SLC47A2: variants seen among roughly 807,000 people sequenced by gnomAD.
SLC47A2 encodes the protein multidrug and toxin extrusion protein 2.
A neutral mutation model predicts 67.7 loss-of-function variants in SLC47A2; 52 were observed. The ratio of observed to expected loss-of-function variants is 0.77; its 90% CI spans 0.61 to 0.97. The LOEUF (loss-of-function observed/expected upper bound fraction) is 0.97. Among genes scored for constraint, SLC47A2 ranks in the 50% least tolerant of loss-of-function variants. The pLI, the probability that SLC47A2 is intolerant of heterozygous loss-of-function variation, is 0.00. For missense variants in SLC47A2, 676 were observed against 712.3 expected (o/e 0.95, Z 0.58); for synonymous variants, 278 against 292.9 (o/e 0.95, Z 0.52).
chr17:19,690,342 T>G (rs1252300607), intron 13 of SLC47A2, among the ~76,000 whole-genome samples: 1 of 151,994 alleles, frequency 6.6e-6, no homozygotes, highest in Non-Finnish European at 1.5e-5. Flanking sequence ...TTGGGAAAAC[T>G]CTCCAGGAAA....
In SLC47A2 at chr17:19,711,588, C is replaced by CAAAAAAAAAAAAAAAAAAAAAAAA; in HGVS notation, c.486+1091_486+1114dup. 6.1e-5 allele frequency among the ~76,000 whole-genome samples: 2 copies of CAAAAAAAAAAAAAAAAAAAAAAAA among 33,002 alleles called. 1 individual carries two copies. Among genetic ancestry groups the CAAAAAAAAAAAAAAAAAAAAAAAA allele is most frequent in the Non-Finnish European group, 1.2e-4 (2 of 16,588 alleles). 21.7% of individuals were successfully genotyped at this position (33,002 alleles called of 152,430 possible). On this transcript the variant is annotated intron_variant, in intron 5 of 16. Coordinates refer to ENST00000433844, the MANE Select transcript of SLC47A2 (RefSeq NM_001099646.3). ...TGGATGACAGAGCAAAACTCCGTCT[C>CAAAAAAAAAAAAAAAAAAAAAAAA]AAAAAAAAAAAAAAAAAAAAAAAAA... is the stretch of plus-strand genomic sequence containing the variant.
chr17:19,707,991 C>T, intron 7 of SLC47A2, 148 bp from the exon 8 acceptor site: 1 of 815,290 alleles, frequency 1.2e-6, no homozygotes, highest in Non-Finnish European at 1.9e-6. Context: ...CAACCAGGGC[C>T]CACAGGCACC....
At position 19,681,606 on chromosome 17, in the gene SLC47A2, A is replaced by G. The variant is rs372698065; in HGVS notation, c.1229T>C (p.Ile410Thr). The G allele has an allele frequency of 1.2e-6, 2 of 1,614,138 alleles. No homozygotes were observed. Among genetic ancestry groups the G allele is most frequent in the South Asian group, 1.1e-5 (1 of 91,076 alleles). Residue 410 changes from isoleucine to threonine, a missense_variant, in exon 14 of 17, where the codon ATC (isoleucine) becomes ACC (threonine). By Grantham distance (89) the Ile-to-Thr change is moderately conservative. Transcript: ENST00000433844. ...TGGTAGGCCGATGATGTAATATGTG[A>G]TGGCATTCACAGCGGCACCAAAGGC... ...KQAFGAAVNA[I>T]TYYIIGLPLG... is the part of the protein sequence containing the mutation.
intron 13 of SLC47A2, among the ~76,000 whole-genome samples, chr17:19,683,939 A>G (rs1279122641): frequency 6.6e-6 from 1 of 152,246 alleles, no homozygotes; most frequent in Non-Finnish European, 1.5e-5. Context: ...GCAGCTGTAC[A>G]TTGTAGAGGA....
rs1232134084 is a variant in SLC47A2 at position 19,704,166 on chromosome 17, G to T, written c.922C>A (p.Leu308Ile). 1.2e-6 allele frequency: 2 copies of T among 1,606,744 alleles called. No homozygotes were observed. Among genetic ancestry groups the T allele is most frequent in the East Asian group, 4.5e-5 (2 of 44,732 alleles). The change falls in exon 11 of 17, where the codon CTC (leucine) becomes ATC (isoleucine). Residue 308 changes from leucine to isoleucine, a missense_variant. Leu to Ile is a conservative substitution (Grantham distance 5). Transcript: ENST00000433844. ...ATVTYMIPLG[L>I]SIGVCVRVGM... is the part of the protein sequence containing the mutation. ...ACTCGGACACAGACCCCGATGCTGA[G>T]CCCCAAGGGAATCTGGGATCAAAGA...
chr17:19,694,689 G>A (rs543779934), intron 13 of SLC47A2, among the ~76,000 whole-genome samples: 106 of 152,120 alleles, frequency 7.0e-4, no homozygotes, highest in Non-Finnish European at 5.1e-4. Flanking sequence ...AGGCCAAGGC[G>A]GGTGGATCAC....
In SLC47A2 at chr17:19,703,126, T is replaced by C. The variant is rs1318111013; in HGVS notation, c.1060A>G (p.Lys354Glu). The C allele has an allele frequency of 2.5e-6, 4 of 1,614,070 alleles. No individual in the cohort carries two copies. The highest frequency in any genetic ancestry group is 2.5e-6 in the Non-Finnish European group (3 of 1,180,042). The change falls in exon 12 of 17, where the codon AAA (lysine) becomes GAA (glutamate). Residue 354 changes from lysine (K) to glutamate (E), a missense_variant. By Grantham distance (56) the Lys-to-Glu change is moderately conservative. Transcript: ENST00000433844. ...GTAAAAATATGCCCCAGCTGATTTT[T>C]CAGGATGCTTATCAGGGTGCCCAGG... ...LVLGTLISIL[K>E]NQLGHIFTND... is the part of the protein sequence containing the mutation.
rs372855051 is a variant in SLC47A2 at position 19,706,328 on chromosome 17, C to T, written c.841+320G>A. On this transcript the variant is annotated intron_variant, in intron 9 of 16. Transcript: ENST00000433844. ...AAACCAACTGAATCTCTCACTCCTC[C>T]GTGCCTCAGCCACCTCCCACGGGCA... Among the ~76,000 whole-genome samples the T allele has an allele frequency of 9.2e-5, 14 of 152,344 alleles. No homozygotes were observed. The South Asian group carries it at 2.9e-3, about 32-fold the overall frequency.
At chr17:19,708,460 A>G (rs2086005354) in intron 6 of SLC47A2, 61 bp from the exon 7 acceptor site, 1 of 1,613,908 alleles carries the variant, frequency 6.2e-7, no homozygotes, top group Admixed American at 1.7e-5. Context: ...GGATGGACAA[A>G]CCCGGGGTTT....
In SLC47A2 at chr17:19,708,283, C is replaced by T. The variant is rs1337995368; in HGVS notation, c.629+19G>A. Reference sequence around the variant, plus strand: ...TGGGCAGTGTCCCCTGACCAGGCCCCACCAGCCCCCGGGCTCACCTGACCC... The same window carrying T: ...TGGGCAGTGTCCCCTGACCAGGCCCTACCAGCCCCCGGGCTCACCTGACCC... On this transcript the variant is annotated intron_variant, in intron 7 of 16. Transcript: ENST00000433844. 1.9e-6 allele frequency: 3 copies of T among 1,611,712 alleles called. No homozygotes were observed. In the African/African-American group the frequency reaches 4.0e-5, roughly 22 times the overall value.
intron 15 of SLC47A2, 36 bp from the exon 16 acceptor site, chr17:19,680,075 A>G: frequency 6.2e-7 from 1 of 1,601,318 alleles, no homozygotes; most frequent in East Asian, 2.2e-5. Context: ...TCAACCTGCC[A>G]GCTCAACAGT....
intron 13 of SLC47A2, among the ~76,000 whole-genome samples, chr17:19,683,527 C>T (rs16960302): frequency 0.014 from 2,080 of 152,294 alleles, 45 homozygotes; most frequent in African/African-American, 0.047. Flanking sequence ...TGAGGTAAAA[C>T]AGCCAAGGGA....
intron 1 of SLC47A2, among the ~76,000 whole-genome samples, 191 bp from the exon 2 acceptor site, chr17:19,715,408 G>A (rs964175504): frequency 1.3e-5 from 2 of 152,108 alleles, no homozygotes; most frequent in Non-Finnish European, 2.9e-5. Flanking sequence ...CTGCAGTCAC[G>A]CCTGGCCTCC....
chr17:19,686,827 A>G (rs890444646), intron 13 of SLC47A2, among the ~76,000 whole-genome samples: 7 of 152,214 alleles, frequency 4.6e-5, no homozygotes, highest in East Asian at 1.9e-4. Context: ...AGAGAGAAAT[A>G]TATTTCAATA....
intron 13 of SLC47A2, among the ~76,000 whole-genome samples, chr17:19,695,344 G>A (rs528077640): frequency 6.6e-5 from 10 of 151,668 alleles, no homozygotes; most frequent in African/African-American, 2.4e-4. Context: ...CATAGTGGCT[G>A]GGTGCATTGG....
At chr17:19,684,563 G>A (rs957954243) in intron 13 of SLC47A2, among the ~76,000 whole-genome samples, 12 of 151,990 alleles carry the variant, frequency 7.9e-5, no homozygotes, top group Non-Finnish European at 8.8e-5. Flanking sequence ...GGATAAGAAT[G>A]TAAAAGATTA....
At chr17:19,713,390 GTAATAATAATAA>G (rs34354818) in intron 4 of SLC47A2, among the ~76,000 whole-genome samples, 2 of 148,696 alleles carry the variant, frequency 1.3e-5, no homozygotes, top group African/African-American at 2.5e-5. Flanking sequence ...TCTGTCTCAA[GTAATAATAATAA>G]TAATAATAAT....
chr17:19,695,138 TAGAC>T (rs1019114968), intron 13 of SLC47A2, among the ~76,000 whole-genome samples: 14 of 152,134 alleles, frequency 9.2e-5, no homozygotes, highest in African/African-American at 2.2e-4. Context: ...ATGATTCAGT[TAGAC>T]AGGAAGAAAA....
At chr17:19,707,626 G>T in intron 8 of SLC47A2, 120 bp downstream of exon 8, 1 of 821,004 alleles carries the variant, frequency 1.2e-6, no homozygotes, top group Non-Finnish European at 1.9e-6. Context: ...GCCGTGCAGG[G>T]TCCTGCACCT....
Sources: gnomAD v4.1 joint callset for allele counts (sites outside exome capture counted in the v4.1 genomes callset) on GRCh38, gnomAD v4.1.1 for gene constraint, MANE v1.5 for transcripts, NCBI Gene and HGNC (gene_info 2026-07-23, HGNC 2026-07-21) for gene names.